SSBP2: variants seen among roughly 807,000 people sequenced by gnomAD.
SSBP2 encodes the protein single stranded DNA binding protein 2, also known as single-stranded DNA-binding protein 2.
A neutral mutation model predicts 61.8 loss-of-function variants in SSBP2; 17 were observed. That is an observed-to-expected ratio of 0.28 (90% CI 0.19 to 0.41). SSBP2 has a LOEUF of 0.41. SSBP2 is among the 10% of genes least tolerant of loss of function. The pLI, the probability that SSBP2 is intolerant of heterozygous loss-of-function variation, is 1.00. For missense variants in SSBP2, 310 were observed against 458.7 expected (o/e 0.68, Z 2.96); for synonymous variants, 139 against 141.3 (o/e 0.98, Z 0.12).
At chr5:81,487,463 C>A (rs1187585167) in intron 6 of SSBP2, among the ~76,000 whole-genome samples, 1 of 152,006 alleles carries the variant, frequency 6.6e-6, no homozygotes, top group Non-Finnish European at 1.5e-5. Flanking sequence ...CTTCTAGAAG[C>A]AGCTAATTAT....
rs1768527743 is a variant in SSBP2, at chr5:81,510,635, C to T, written c.372+2993G>A. Among the ~76,000 whole-genome samples the T allele has an allele frequency of 2.6e-5, 4 of 152,054 alleles. No individual in the cohort carries two copies. The South Asian group carries it at 8.3e-4, about 32-fold the overall frequency. On this transcript the variant is annotated intron_variant, in intron 5 of 16. Coordinates refer to ENST00000320672, the MANE Select transcript of SSBP2 (RefSeq NM_012446.5). ...AATTAGCCGGGCGTGGTGGCACATG[C>T]CTGTAATCCCAGCTACTCAGGAGGC...
At position 81,419,144 on chromosome 5, in the gene SSBP2, G is replaced by C. The variant is rs1204694230; in HGVS notation, c.*1360C>G. On this transcript the variant is annotated 3_prime_UTR_variant, in exon 17 of 17. Transcript: ENST00000320672. ...ATAGAGCAAGGTGCTTTCCATAAGG[G>C]AATTAGATTAAAAAAAATTTACTTA... 1 of 152,148 alleles carries C rather than the reference G, an allele frequency of 6.6e-6. No individual in the cohort carries two copies. The highest frequency in any genetic ancestry group is 1.5e-5 in the Non-Finnish European group (1 of 68,026). The allele number at this position is 152,148 out of a possible 1,614,324, so 9.4% of individuals were successfully genotyped here. A position where few individuals can be genotyped will look rare whatever the true frequency, so the allele number is the denominator to read the frequency against.
intron 2 of SSBP2, among the ~76,000 whole-genome samples, chr5:81,649,842 G>A (rs182476847): frequency 2.0e-3 from 306 of 151,684 alleles, no homozygotes; most frequent in African/African-American, 7.1e-3. Context: ...TTGAAATAAG[G>A]TTATTAAAAT....
chr5:81,594,706 C>A (rs1743524294), intron 4 of SSBP2, among the ~76,000 whole-genome samples: 1 of 152,196 alleles, frequency 6.6e-6, no homozygotes, highest in African/African-American at 2.4e-5. Context: ...AACCGCTCAA[C>A]TACATGGAAA....
At chr5:81,427,061 A>G (rs1362116006) in intron 16 of SSBP2, among the ~76,000 whole-genome samples, 1 of 152,224 alleles carries the variant, frequency 6.6e-6, no homozygotes, top group African/African-American at 2.4e-5. Context: ...TTTGCATATA[A>G]TAGGCTCAAT....
intron 4 of SSBP2, among the ~76,000 whole-genome samples, chr5:81,540,783 T>C (rs977159546): frequency 6.6e-6 from 1 of 152,162 alleles, no homozygotes; most frequent in Non-Finnish European, 1.5e-5. Context: ...TTTATTGTGG[T>C]GCTCTGAAAC....
intron 2 of SSBP2, among the ~76,000 whole-genome samples, chr5:81,639,553 AG>A (rs966970318): frequency 2.6e-5 from 4 of 152,084 alleles, no homozygotes; most frequent in Non-Finnish European, 4.4e-5. Flanking sequence ...TAAGCAGAGA[AG>A]GGGGATAGAA....
chr5:81,673,733 T>C (rs1751759363), intron 1 of SSBP2, among the ~76,000 whole-genome samples: 1 of 152,176 alleles, frequency 6.6e-6, no homozygotes, highest in Admixed American at 6.5e-5. Flanking sequence ...TGTCAGGTAT[T>C]AGAGGGCTTG....
At chr5:81,452,253 T>C (rs1415438898) in intron 10 of SSBP2, among the ~76,000 whole-genome samples, 2 of 152,196 alleles carry the variant, frequency 1.3e-5, no homozygotes, top group Non-Finnish European at 2.9e-5. Flanking sequence ...ATGGGTTTTA[T>C]AGAGACATGT....
intron 2 of SSBP2, among the ~76,000 whole-genome samples, chr5:81,638,393 C>T (rs949648075): frequency 7.9e-5 from 12 of 151,380 alleles, no homozygotes; most frequent in African/African-American, 2.2e-4. Context: ...ATTGACAGGC[C>T]GGGCTCAGTG....
At chr5:81,630,167 A>C (rs1279262449) in intron 3 of SSBP2, among the ~76,000 whole-genome samples, 1 of 152,254 alleles carries the variant, frequency 6.6e-6, no homozygotes, top group East Asian at 1.9e-4. Context: ...TGAAGAATGC[A>C]TGTTATCCTA....
At chr5:81,715,291 A>G (rs1755101780) in intron 1 of SSBP2, among the ~76,000 whole-genome samples, 1 of 152,182 alleles carries the variant, frequency 6.6e-6, no homozygotes, top group African/African-American at 2.4e-5. Context: ...TTCCACCAAA[A>G]TAATGACCTA....
chr5:81,698,737 G>A (rs1350600207), intron 1 of SSBP2, among the ~76,000 whole-genome samples: 1 of 152,152 alleles, frequency 6.6e-6, no homozygotes, highest in Non-Finnish European at 1.5e-5. Flanking sequence ...GAATCTGGGA[G>A]GCAGAGGTTC....
intron 1 of SSBP2, among the ~76,000 whole-genome samples, chr5:81,681,443 C>G (rs1752371803): frequency 6.6e-6 from 1 of 151,038 alleles, no homozygotes; most frequent in Non-Finnish European, 1.5e-5. Flanking sequence ...TCGCTTGAAC[C>G]CAACAGGCAG....
chr5:81,635,647 A>G (rs1347852257), intron 3 of SSBP2, among the ~76,000 whole-genome samples: 1 of 148,700 alleles, frequency 6.7e-6, no homozygotes, highest in Non-Finnish European at 1.5e-5. Context: ...GCAGTGGTGC[A>G]ATCTCGGCTC....
intron 16 of SSBP2, among the ~76,000 whole-genome samples, chr5:81,425,763 G>A (rs1057283781): frequency 6.6e-6 from 1 of 150,994 alleles, no homozygotes; most frequent in Non-Finnish European, 1.5e-5. Context: ...TTTTTGATTC[G>A]CATTTTGTTT....
chr5:81,629,740 A>G (rs1415287313), intron 3 of SSBP2, among the ~76,000 whole-genome samples: 1 of 152,224 alleles, frequency 6.6e-6, no homozygotes, highest in African/African-American at 2.4e-5. Context: ...GTATATATTT[A>G]AGATGTACAA....
intron 1 of SSBP2, among the ~76,000 whole-genome samples, chr5:81,724,117 A>G (rs1230310441): frequency 2.0e-5 from 3 of 152,082 alleles, no homozygotes; most frequent in African/African-American, 7.2e-5. Flanking sequence ...TTATTTTTTA[A>G]ATCAACATAT....
chr5:81,502,103 A>C (rs1431655262), intron 5 of SSBP2, among the ~76,000 whole-genome samples: 2 of 151,944 alleles, frequency 1.3e-5, no homozygotes, highest in African/African-American at 4.8e-5. Flanking sequence ...GGCCATACTC[A>C]TTGCCTCCAA....
Sources: allele counts gnomAD v4.1 joint callset (sites outside exome capture counted in the v4.1 genomes callset), GRCh38; gene constraint gnomAD v4.1.1; transcripts MANE v1.5; gene names NCBI Gene and HGNC (gene_info 2026-07-23, HGNC 2026-07-21).